Variants in AP2B1 observed in about 807,000 individuals in gnomAD.
The protein encoded by AP2B1 is AP-2 complex subunit beta.
In AP2B1, 23 loss-of-function variants were observed where a neutral mutation model predicts 102.0. The ratio of observed to expected loss-of-function variants is 0.23; its 90% confidence interval spans 0.16 to 0.32. AP2B1 has a LOEUF of 0.32. Ranked by LOEUF, AP2B1 falls within the 10% of genes least tolerant of loss-of-function variation. AP2B1 has a pLI of 1.00. For synonymous variants in AP2B1, 381 were observed against 421.2 expected (o/e 0.90, Z 1.17); for missense variants, 541 against 1,157.4 (o/e 0.47, Z 7.73).
At chr17:35,662,535 T>G (rs918083961) in intron 14 of AP2B1, among the ~76,000 whole-genome samples, 2 of 144,664 alleles carry the variant, frequency 1.4e-5, no homozygotes, top group Non-Finnish European at 3.1e-5. Flanking sequence ...TGGGTTTGTT[T>G]TTTTTTTTTT....
At chr17:35,610,862 G>A (rs1382027734) in intron 5 of AP2B1, among the ~76,000 whole-genome samples, 2 of 149,872 alleles carry the variant, frequency 1.3e-5, no homozygotes, top group African/African-American at 2.5e-5. Flanking sequence ...AGCCGAGGTC[G>A]TGCCACTGCA....
chr17:35,619,025 G>A (rs1254550293), intron 5 of AP2B1, among the ~76,000 whole-genome samples: 1 of 152,058 alleles, frequency 6.6e-6, no homozygotes. Flanking sequence ...CCCTTCCCTT[G>A]GTTGAAGTTC....
At position 35,717,375 on chromosome 17, in the gene AP2B1, G is replaced by A. The variant is rs374853266; in HGVS notation, c.2781+26G>A. ...GTAAGGCCTTTCTCAGAATGGGTGAGATGGATTAGAGGAGGGAGGTGAGAG... is the reference window on the plus strand; with the variant it reads ...GTAAGGCCTTTCTCAGAATGGGTGAAATGGATTAGAGGAGGGAGGTGAGAG... On this transcript the variant is annotated intron_variant, in intron 21 of 21. Coordinates refer to ENST00000610402, the MANE Select transcript of AP2B1 (RefSeq NM_001030006.2). 321 of 1,613,598 alleles carry A rather than the reference G, an allele frequency of 2.0e-4. 2 individuals carry two copies. Among genetic ancestry groups the A allele is most frequent in the South Asian group, 8.9e-4 (81 of 91,056 alleles).
intron 18 of AP2B1, among the ~76,000 whole-genome samples, chr17:35,685,866 G>A (rs1307411266): frequency 2.6e-5 from 4 of 151,930 alleles, no homozygotes; most frequent in Non-Finnish European, 4.4e-5. Flanking sequence ...AGGTTCAAGC[G>A]ATTCTCCAGC....
intron 13 of AP2B1, among the ~76,000 whole-genome samples, chr17:35,652,544 T>C (rs2075113712): frequency 6.6e-6 from 1 of 152,180 alleles, no homozygotes; most frequent in Admixed American, 6.5e-5. Flanking sequence ...TAGTAAATAG[T>C]TGTCTAATTC....
chr17:35,651,944 G>C (rs901883876), intron 13 of AP2B1, among the ~76,000 whole-genome samples: 1 of 152,126 alleles, frequency 6.6e-6, no homozygotes, highest in African/African-American at 2.4e-5. Flanking sequence ...TTCAAGTTTC[G>C]ATGTAGATAC....
intron 20 of AP2B1, among the ~76,000 whole-genome samples, chr17:35,713,152 G>A (rs1198176361): frequency 6.6e-6 from 1 of 152,224 alleles, no homozygotes; most frequent in Non-Finnish European, 1.5e-5. Context: ...TAGTGGGGCT[G>A]TGCCCTTTGA....
At chr17:35,614,127 GC>G (rs1265812258) in intron 5 of AP2B1, among the ~76,000 whole-genome samples, 4 of 152,068 alleles carry the variant, frequency 2.6e-5, no homozygotes, top group Non-Finnish European at 5.9e-5. Flanking sequence ...ATTAGAATTT[GC>G]AACTCCAGAG....
intron 17 of AP2B1, among the ~76,000 whole-genome samples, chr17:35,678,009 G>A (rs1378560023): frequency 3.3e-5 from 5 of 151,750 alleles, no homozygotes; most frequent in Middle Eastern, 3.2e-3. Flanking sequence ...AGAGGCACCC[G>A]CCACCATGCC....
chr17:35,712,228 A>G (rs1238494113), intron 20 of AP2B1, among the ~76,000 whole-genome samples: 4 of 152,100 alleles, frequency 2.6e-5, no homozygotes, highest in Admixed American at 1.3e-4. Context: ...CCACCTCTGT[A>G]CCCAGCTAGG....
rs535064649 is a variant in AP2B1, at chr17:35,645,652, C to T, written c.1536+3677C>T. Among the ~76,000 whole-genome samples the T allele has an allele frequency of 3.3e-5, 5 of 152,226 alleles. No individual in the cohort carries two copies. In the East Asian group the frequency reaches 7.7e-4, roughly 24 times the overall value. On this transcript the variant is annotated intron_variant, in intron 12 of 21. Transcript: ENST00000610402. ...ATCATCTGAGGTCAGGAGTTCGAGACCAGCCTGACCAAAATGGAGAAACCC... is the reference window on the plus strand; with the variant it reads ...ATCATCTGAGGTCAGGAGTTCGAGATCAGCCTGACCAAAATGGAGAAACCC...
chr17:35,590,126 G>A (rs1166960424), intron 1 of AP2B1, among the ~76,000 whole-genome samples: 3 of 152,030 alleles, frequency 2.0e-5, no homozygotes, highest in African/African-American at 4.8e-5. Context: ...GGGTTTCACC[G>A]TGTTAGCCAG....
At chr17:35,703,069 G>A (rs1042802806) in intron 18 of AP2B1, among the ~76,000 whole-genome samples, 1 of 151,422 alleles carries the variant, frequency 6.6e-6, no homozygotes, top group East Asian at 1.9e-4. Context: ...TCAGGAGATC[G>A]AGACCATCCT....
chr17:35,624,247 G>A (rs1233446497), intron 5 of AP2B1, 150 bp from the exon 6 acceptor site: 1 of 723,570 alleles, frequency 1.4e-6, no homozygotes, highest in African/African-American at 1.8e-5. Context: ...ATGTTTTGAA[G>A]TGATTTATTT....
At chr17:35,703,178 T>C (rs1293596958) in intron 18 of AP2B1, among the ~76,000 whole-genome samples, 1 of 141,210 alleles carries the variant, frequency 7.1e-6, no homozygotes, top group African/African-American at 2.7e-5. Context: ...GGCAGGAGAA[T>C]GGCGTGAACC....
chr17:35,624,987 G>A (rs1199937470), intron 6 of AP2B1, among the ~76,000 whole-genome samples: 1 of 152,128 alleles, frequency 6.6e-6, no homozygotes, highest in Non-Finnish European at 1.5e-5. Flanking sequence ...ATGAGAGAGA[G>A]TATGTTAAAG....
intron 9 of AP2B1, among the ~76,000 whole-genome samples, chr17:35,635,411 G>A (rs1051230094): frequency 5.3e-5 from 8 of 152,122 alleles, no homozygotes; most frequent in African/African-American, 1.9e-4. Context: ...TTGAGACGGA[G>A]TCTCGTTCTG....
intron 10 of AP2B1, among the ~76,000 whole-genome samples, chr17:35,636,951 T>A (rs532365512): frequency 9.2e-5 from 14 of 152,344 alleles, no homozygotes; most frequent in African/African-American, 3.1e-4. Context: ...ACAGAACATG[T>A]AACATTATCA....
chr17:35,647,730 G>A (rs1489873729), intron 12 of AP2B1, among the ~76,000 whole-genome samples: 2 of 152,034 alleles, frequency 1.3e-5, no homozygotes, highest in African/African-American at 4.8e-5. Flanking sequence ...AAAACATCAG[G>A]GTAACTACTG....
Sources: gnomAD v4.1 joint callset for allele counts (sites outside exome capture counted in the v4.1 genomes callset) on GRCh38, gnomAD v4.1.1 for gene constraint, MANE v1.5 for transcripts, NCBI Gene and HGNC (gene_info 2026-07-23, HGNC 2026-07-21) for gene names.